DLG2: variants seen among roughly 807,000 people sequenced by gnomAD.
DLG2 encodes disks large homolog 2.
In DLG2, 45 loss-of-function variants were observed where a neutral mutation model predicts 132.5. The observed-to-expected ratio is 0.34, with a 90% CI of 0.27 to 0.44. DLG2 has a LOEUF of 0.44. DLG2 is among the 20% of genes least tolerant of loss of function. DLG2 has a pLI of 1.00. For missense variants in DLG2, 1,045 were observed against 1,196.9 expected (o/e 0.87, Z 1.87); for synonymous variants, 424 against 419.6 (o/e 1.01, Z -0.13).
chr11:85,584,576 A>G (rs191645994), intron 3 of DLG2, among the ~76,000 whole-genome samples: 119 of 152,290 alleles, frequency 7.8e-4, no homozygotes, highest in Admixed American at 1.9e-3. Context: ...TCTTTAAGAA[A>G]TCTTCATACT....
At chr11:85,309,481 A>T (rs1011435640) in intron 3 of DLG2, among the ~76,000 whole-genome samples, 1 of 152,194 alleles carries the variant, frequency 6.6e-6, no homozygotes, top group African/African-American at 2.4e-5. Context: ...TCTCCAGTAA[A>T]ACCAAGTTAT....
At chr11:83,670,096 A>C (rs2076586056) in intron 18 of DLG2, among the ~76,000 whole-genome samples, 2 of 152,232 alleles carry the variant, frequency 1.3e-5, no homozygotes, top group South Asian at 4.1e-4. Context: ...TATCCAGCTG[A>C]GGACAGGCAT....
intron 4 of DLG2, among the ~76,000 whole-genome samples, chr11:85,192,337 T>G (rs1417160189): frequency 6.6e-6 from 1 of 152,224 alleles, no homozygotes; most frequent in Non-Finnish European, 1.5e-5. Context: ...TATTATTAAC[T>G]TCAGCTAAAT....
At position 83,863,769 on chromosome 11, in the gene DLG2, C is replaced by T. The variant is rs149271279; in HGVS notation, c.1565+10651G>A. Among the ~76,000 whole-genome samples, 5 of 152,164 alleles carry T rather than the reference C, an allele frequency of 3.3e-5. No individual in the cohort carries two copies. In the East Asian group the frequency reaches 5.8e-4, roughly 18 times the overall value. ...CTCAAGGTGATAAGACTAGTAATTG[C>T]GGAGCCAGAATTTAAATGAAGTTAC... On this transcript the variant is annotated intron_variant, in intron 16 of 27. Coordinates refer to ENST00000376104, the MANE Select transcript of DLG2 (RefSeq NM_001142699.3).
At chr11:84,591,223 C>CTCTCTGTGTGTGTGTGTG (rs1555073566) in intron 6 of DLG2, among the ~76,000 whole-genome samples, 17 of 139,288 alleles carry the variant, frequency 1.2e-4, no homozygotes, top group African/African-American at 3.8e-4. Context: ...ATGTGTCTCT[C>CTCTCTGTGTGTGTGTGTG]TGTGTGTGTG....
chr11:84,830,826 T>C (rs1410976170), intron 6 of DLG2, among the ~76,000 whole-genome samples: 1 of 151,514 alleles, frequency 6.6e-6, no homozygotes, highest in African/African-American at 2.4e-5. Context: ...TAAGATAATA[T>C]TTAGCCTGGC....
Position 83,679,948 on chromosome 11 carries a change from C to T in DLG2, c.1826-46623G>A, listed in dbSNP as rs2078453805. Among the ~76,000 whole-genome samples, 4 of 152,186 alleles carry T rather than the reference C, an allele frequency of 2.6e-5. 1 individual carries two copies. The South Asian group carries it at 8.3e-4, about 31-fold the overall frequency. ...TCCTTTTTGCCACCTTCCCTACCCT[C>T]TCAAAGGAAATTATATGTGTCACGT... On this transcript the variant is annotated intron_variant, in intron 18 of 27. Coordinates refer to ENST00000376104, the MANE Select transcript of DLG2 (RefSeq NM_001142699.3).
intron 6 of DLG2, among the ~76,000 whole-genome samples, chr11:84,623,578 C>T (rs2099617482): frequency 6.6e-6 from 1 of 152,122 alleles, no homozygotes; most frequent in African/African-American, 2.4e-5. Context: ...AATTATGGAT[C>T]TTCTTACTCC....
At chr11:83,593,659 T>C (rs1335569941) in intron 19 of DLG2, among the ~76,000 whole-genome samples, 1 of 144,628 alleles carries the variant, frequency 6.9e-6, no homozygotes, top group Non-Finnish European at 1.5e-5. Flanking sequence ...AAAAGAAATA[T>C]ATTAAAAAAA....
intron 4 of DLG2, among the ~76,000 whole-genome samples, chr11:85,172,336 T>TA (rs930755899): frequency 2.6e-5 from 4 of 152,180 alleles, no homozygotes; most frequent in African/African-American, 9.7e-5. Context: ...GACCAGGGTC[T>TA]AGAGTGGACC....
chr11:84,325,990 G>A (rs761467916), intron 7 of DLG2, among the ~76,000 whole-genome samples: 2 of 151,904 alleles, frequency 1.3e-5, no homozygotes, highest in Non-Finnish European at 2.9e-5. Flanking sequence ...ATGTTTCTAG[G>A]AATTTGTTCA....
chr11:84,777,053 C>T (rs890484365), intron 6 of DLG2, among the ~76,000 whole-genome samples: 7 of 151,652 alleles, frequency 4.6e-5, no homozygotes, highest in Non-Finnish European at 1.0e-4. Context: ...CTCACTTCCT[C>T]ACCTTTGCGA....
At chr11:84,697,909 A>G (rs2153735197) in intron 6 of DLG2, among the ~76,000 whole-genome samples, 1 of 151,620 alleles carries the variant, frequency 6.6e-6, no homozygotes, top group Middle Eastern at 3.4e-3. Flanking sequence ...TGTTTTCCAC[A>G]ATAAAAAGTA....
chr11:84,443,531 TTAG>T (rs1380824772), intron 7 of DLG2, among the ~76,000 whole-genome samples: 1 of 152,170 alleles, frequency 6.6e-6, no homozygotes, highest in Non-Finnish European at 1.5e-5. Context: ...GTAGTATATA[TTAG>T]TAGTTTATAA....
intron 6 of DLG2, among the ~76,000 whole-genome samples, chr11:84,759,643 G>C (rs2067335388): frequency 6.6e-6 from 1 of 152,116 alleles, no homozygotes; most frequent in South Asian, 2.1e-4. Context: ...TGAAATAAAA[G>C]TTTGTTTACA....
intron 7 of DLG2, among the ~76,000 whole-genome samples, chr11:84,255,474 C>A (rs1253344988): frequency 6.6e-6 from 1 of 152,160 alleles, no homozygotes; most frequent in Non-Finnish European, 1.5e-5. Flanking sequence ...CAGGCACCTG[C>A]CACCACGCCT....
chr11:83,722,034 CAAGT>C (rs919878640), intron 18 of DLG2, among the ~76,000 whole-genome samples: 7 of 152,104 alleles, frequency 4.6e-5, no homozygotes, highest in African/African-American at 1.7e-4. Flanking sequence ...AAGAAAAAGG[CAAGT>C]ACTATTCCAA....
chr11:83,488,039 A>C (rs549840624), intron 21 of DLG2, among the ~76,000 whole-genome samples: 60 of 152,076 alleles, frequency 3.9e-4, no homozygotes, highest in African/African-American at 1.4e-3. Flanking sequence ...GAAAACATTG[A>C]GTTGTATACT....
chr11:83,823,673 A>ATTCATTCATTCG lies in DLG2; in HGVS notation c.1722+9940_1722+9941insCGAATGAATGAA, dbSNP rs149060710. Among the ~76,000 whole-genome samples the ATTCATTCATTCG allele has an allele frequency of 5.1e-4, 76 of 150,354 alleles. 7 individuals carry two copies. The highest frequency in any genetic ancestry group is 1.7e-3 in the African/African-American group (69 of 40,614). ...CATTCATTCATTCATTCATTCATTC[A>ATTCATTCATTCG]TTCGTTCATTAAACATTTGCTCAGT... On this transcript the variant is annotated intron_variant, in intron 17 of 27. Coordinates refer to ENST00000376104, the MANE Select transcript of DLG2 (RefSeq NM_001142699.3).
Sources: allele counts gnomAD v4.1 joint callset (sites outside exome capture counted in the v4.1 genomes callset), GRCh38; gene constraint gnomAD v4.1.1; transcripts MANE v1.5; gene names NCBI Gene and HGNC (gene_info 2026-07-23, HGNC 2026-07-21).